The following ADAMTS3 variants were observed in gnomAD, a reference collection of about 807,000 sequenced individuals.
The protein encoded by ADAMTS3 is ADAM metallopeptidase with thrombospondin type 1 motif 3, also known as A disintegrin and metalloproteinase with thrombospondin motifs 3.
A neutral mutation model predicts 129.0 loss-of-function variants in ADAMTS3; 73 were observed. That is an observed-to-expected ratio of 0.57 (90% CI 0.47 to 0.69). ADAMTS3 has a LOEUF of 0.69. Among genes scored for constraint, ADAMTS3 ranks in the 30% least tolerant of loss-of-function variants. The pLI, the probability that ADAMTS3 is intolerant of heterozygous loss-of-function variation, is 0.00. For missense variants in ADAMTS3, 1,457 were observed against 1,514.5 expected, an observed-to-expected ratio of 0.96 and a Z score of 0.63; for synonymous variants, 477 against 510.8, an observed-to-expected ratio of 0.93 and a Z score of 0.89.
At chr4:72,388,884 C>T (rs1314396730) in intron 4 of ADAMTS3, among the ~76,000 whole-genome samples, 1 of 152,148 alleles carries the variant, frequency 6.6e-6, no homozygotes, top group Non-Finnish European at 1.5e-5. Context: ...AGTTCTCTCC[C>T]AGTGGTGTCA....
chr4:72,556,248 A>C (rs1201791567), intron 2 of ADAMTS3, among the ~76,000 whole-genome samples: 1 of 151,762 alleles, frequency 6.6e-6, no homozygotes, highest in Non-Finnish European at 1.5e-5. Flanking sequence ...TATGACAGAC[A>C]CAGTGGCCCA....
At chr4:72,544,445 A>G (rs556172237) in intron 3 of ADAMTS3, among the ~76,000 whole-genome samples, 5 of 152,190 alleles carry the variant, frequency 3.3e-5, no homozygotes, top group Non-Finnish European at 7.4e-5. Flanking sequence ...CTCAGTACTT[A>G]CCACAGCAAT....
chr4:72,335,721 T>A (rs1304084117), intron 5 of ADAMTS3, among the ~76,000 whole-genome samples: 1 of 152,182 alleles, frequency 6.6e-6, no homozygotes, highest in Non-Finnish European at 1.5e-5. Context: ...ATAATTTCCA[T>A]CTTGCAATAT....
At chr4:72,359,479 T>G (rs1256424759) in intron 4 of ADAMTS3, among the ~76,000 whole-genome samples, 1 of 152,070 alleles carries the variant, frequency 6.6e-6, no homozygotes, top group Non-Finnish European at 1.5e-5. Context: ...TAATAACATT[T>G]AATACCATGG....
intron 4 of ADAMTS3, among the ~76,000 whole-genome samples, chr4:72,374,514 T>C (rs1032751655): frequency 7.9e-5 from 12 of 152,186 alleles, no homozygotes; most frequent in Non-Finnish European, 1.8e-4. Flanking sequence ...AAGCTATGAA[T>C]AGAAGAAAGT....
intron 4 of ADAMTS3, among the ~76,000 whole-genome samples, chr4:72,382,912 C>G (rs1721331005): frequency 6.6e-6 from 1 of 152,110 alleles, no homozygotes. Flanking sequence ...TGCAAAACTA[C>G]CGGTTAGGTA....
chr4:72,535,830 C>T (rs944430084), intron 3 of ADAMTS3, among the ~76,000 whole-genome samples: 3 of 152,144 alleles, frequency 2.0e-5, no homozygotes, highest in Non-Finnish European at 4.4e-5. Flanking sequence ...TGGGAAGATT[C>T]TGAACAACAG....
At chr4:72,441,835 A>C (rs1191120760) in intron 3 of ADAMTS3, 2 of 149,770 alleles carry the variant, frequency 1.3e-5, no homozygotes, top group African/African-American at 5.1e-5. Flanking sequence ...TATTAACATT[A>C]AAAGGGAAGC....
At position 72,283,150 on chromosome 4, in the gene ADAMTS3, T is replaced by G. The variant is rs1578547253; in HGVS notation, c.3604A>C (p.Thr1202Pro). The G allele has an allele frequency of 1.2e-6, 2 of 1,607,370 alleles. No homozygotes were observed. Among genetic ancestry groups the G allele is most frequent in the Non-Finnish European group, 1.7e-6 (2 of 1,176,814 alleles). The change falls in exon 22 of 22, where the codon ACC becomes CCC. Residue 1202 changes from threonine (T) to proline (P), a missense_variant. Thr to Pro is a conservative substitution (Grantham distance 38). Transcript: ENST00000286657. ...IDNRRPTRSS[T>P]LER ...GGTTCACTTTCTCATCTTTCTAAGG[T>G]GGATGATCTTGTCGGACGTCTGTTG...
intron 4 of ADAMTS3, among the ~76,000 whole-genome samples, chr4:72,400,058 ACGTGTG>A (rs1721856985): frequency 1.3e-4 from 2 of 15,682 alleles, no homozygotes; most frequent in African/African-American, 1.7e-4. Flanking sequence ...GTGTGTATAT[ACGTGTG>A]TATATATGCA....
intron 3 of ADAMTS3, among the ~76,000 whole-genome samples, chr4:72,426,230 A>T (rs1722571527): frequency 6.6e-6 from 1 of 152,168 alleles, no homozygotes; most frequent in Non-Finnish European, 1.5e-5. Context: ...GATTCTGGAT[A>T]TTAGCCCTTT....
At chr4:72,347,088 A>G (rs746537995) in intron 4 of ADAMTS3, among the ~76,000 whole-genome samples, 7 of 152,206 alleles carry the variant, frequency 4.6e-5, no homozygotes, top group Non-Finnish European at 1.0e-4. Context: ...GTAGGTGTTT[A>G]CGGCTAGTAT....
intron 2 of ADAMTS3, among the ~76,000 whole-genome samples, chr4:72,563,259 A>G (rs2109808007): frequency 6.6e-6 from 1 of 152,296 alleles, no homozygotes; most frequent in African/African-American, 2.4e-5. Flanking sequence ...CATTCACCAT[A>G]ATCATGCTCA....
rs1719383365 is a variant in ADAMTS3 at position 72,315,926 on chromosome 4, C to T, written c.1531G>A (p.Asp511Asn). The T allele has an allele frequency of 2.5e-6, 4 of 1,613,424 alleles. No homozygotes were observed. The highest frequency in any genetic ancestry group is 3.3e-5 in the Admixed American group (2 of 59,932). The change falls in exon 11 of 22, where the codon GAT (aspartate) becomes AAT (asparagine). Residue 511 changes from aspartate to asparagine, a missense_variant. Asp to Asn is a conservative substitution (Grantham distance 23). Transcript: ENST00000286657. ...TTAGTCTTACAAAAGTAGGGATTAT[C>T]AGGATGGCTACACCACAGCTGTTTA... Reference protein sequence around the residue: ...PCKQLWCSHPDNPYFCKTKKG... With the variant: ...PCKQLWCSHPNNPYFCKTKKG...
At chr4:72,526,561 A>G (rs1720811528) in intron 3 of ADAMTS3, among the ~76,000 whole-genome samples, 1 of 79,752 alleles carries the variant, frequency 1.3e-5, no homozygotes, top group Non-Finnish European at 2.4e-5. Context: ...AAATATACTA[A>G]TGAAATTTAT....
At chr4:72,542,974 A>T (rs1721372025) in intron 3 of ADAMTS3, among the ~76,000 whole-genome samples, 4 of 152,150 alleles carry the variant, frequency 2.6e-5, no homozygotes, top group Admixed American at 1.3e-4. Flanking sequence ...TTTCTCTCGG[A>T]AAGATATATG....
intron 4 of ADAMTS3, among the ~76,000 whole-genome samples, chr4:72,380,585 T>A (rs1190611813): frequency 6.6e-6 from 1 of 152,124 alleles, no homozygotes; most frequent in African/African-American, 2.4e-5. Context: ...TTCCCTCTAT[T>A]CTGGTAAGAC....
intron 3 of ADAMTS3, among the ~76,000 whole-genome samples, chr4:72,513,295 C>T (rs788935): frequency 0.61 from 92,457 of 152,042 alleles, 28,679 homozygotes; most frequent in African/African-American, 0.74. Flanking sequence ...ACACACACTC[C>T]TTTCTTCCCT....
At position 72,504,242 on chromosome 4, in the gene ADAMTS3, A is replaced by G. The variant is rs187282048; in HGVS notation, c.504+44236T>C. On this transcript the variant is annotated intron_variant, in intron 3 of 21. Transcript: ENST00000286657. The stretch of plus-strand genomic sequence containing the variant: ...TAGCAGGTATTGTTTTATCATTTTC[A>G]AGATTTATTGTAAAGTTGGTCTAGT... Among the ~76,000 whole-genome samples, 400 of 152,274 alleles carry G rather than the reference A, an allele frequency of 2.6e-3. 2 individuals are homozygous for G. The highest frequency in any genetic ancestry group is 9.4e-3 in the African/African-American group (389 of 41,550).
Sources: gnomAD v4.1 joint callset for allele counts (sites outside exome capture counted in the v4.1 genomes callset) on GRCh38, gnomAD v4.1.1 for gene constraint, MANE v1.5 for transcripts, NCBI Gene and HGNC (gene_info 2026-07-23, HGNC 2026-07-21) for gene names.